LARP4B: variants seen among roughly 807,000 people sequenced by gnomAD.
LARP4B encodes la-related protein 4B.
In LARP4B, 12 loss-of-function variants were observed where a neutral mutation model predicts 89.8. That is an observed-to-expected ratio of 0.13 (90% CI 0.09 to 0.22). The LOEUF is 0.22. LARP4B is among the 10% of genes least tolerant of loss of function. The pLI is 1.00. For synonymous variants in LARP4B, 367 were observed against 363.3 expected (o/e 1.01, Z -0.12); for missense variants, 757 against 947.7 (o/e 0.80, Z 2.64).
intron 3 of LARP4B, among the ~76,000 whole-genome samples, chr10:864,532 A>C (rs944186028): frequency 1.3e-5 from 2 of 152,186 alleles, no homozygotes; most frequent in Non-Finnish European, 2.9e-5. Flanking sequence ...CCTGCCACCA[A>C]AAGATTCAGT....
At chr10:948,204 G>C in the LARP4B span, among the ~76,000 whole-genome samples, 1 of 152,118 alleles carries the variant, frequency 6.6e-6, no homozygotes, top group African/African-American at 2.4e-5. Context: ...ACGCTGCCTG[G>C]TTTTTAAAAT....
chr10:945,156 G>T, the LARP4B span, among the ~76,000 whole-genome samples: 2 of 152,132 alleles, frequency 1.3e-5, no homozygotes, highest in African/African-American at 2.4e-5. Context: ...GGTCAAGGCA[G>T]GTGGATCACT....
At chr10:863,996 C>A (rs112661069) in intron 4 of LARP4B, 113 bp from the exon 5 acceptor site, 18 of 1,540,002 alleles carry the variant, frequency 1.2e-5, no homozygotes, top group African/African-American at 1.1e-4. Flanking sequence ...GACCTCTGGG[C>A]TCTCAAGCAC....
At chr10:825,466 T>G (rs954803522) in intron 12 of LARP4B, 150 bp from the exon 13 acceptor site, 8 of 790,440 alleles carry the variant, frequency 1.0e-5, no homozygotes, top group Non-Finnish European at 1.6e-5. Flanking sequence ...TCCTAACATA[T>G]AGGATAATGC....
intron 1 of LARP4B, among the ~76,000 whole-genome samples, chr10:895,022 C>A (rs1393166244): frequency 6.6e-6 from 1 of 152,088 alleles, no homozygotes; most frequent in Non-Finnish European, 1.5e-5. Flanking sequence ...CCTGTCTCTA[C>A]TAAAATACAA....
At chr10:881,177 T>C (rs1308231632) in intron 3 of LARP4B, among the ~76,000 whole-genome samples, 1 of 152,176 alleles carries the variant, frequency 6.6e-6, no homozygotes, top group Admixed American at 6.5e-5. Flanking sequence ...TGGTCAGATA[T>C]TTTTTCTTCC....
At chr10:955,768 C>T in the LARP4B span, among the ~76,000 whole-genome samples, 248 of 152,198 alleles carry the variant, frequency 1.6e-3, no homozygotes, top group Non-Finnish European at 2.7e-3. This position sits in a 1 kb window ranked among gnomAD's most constrained non-coding sequence, Gnocchi z 5.2. Context: ...GCCCTATTCA[C>T]TGGAATAACT....
At chr10:829,906 A>G (rs569027462) in intron 9 of LARP4B, among the ~76,000 whole-genome samples, 172 bp from the exon 10 acceptor site, 1 of 152,360 alleles carries the variant, frequency 6.6e-6, no homozygotes, top group East Asian at 1.9e-4. Context: ...AAATAACCTC[A>G]TAAGAGCTAT....
intron 1 of LARP4B, among the ~76,000 whole-genome samples, chr10:895,217 T>A (rs1564435324): frequency 6.6e-6 from 1 of 150,986 alleles, no homozygotes. Flanking sequence ...TAAAATAAAA[T>A]AAAATAAAAA....
chr10:975,895 T>C, the LARP4B span, among the ~76,000 whole-genome samples: 25 of 130,092 alleles, frequency 1.9e-4, no homozygotes, highest in African/African-American at 7.4e-4. Context: ...CCTAGTAGAA[T>C]GTAGGCCTGT....
the LARP4B span, among the ~76,000 whole-genome samples, chr10:941,877 G>A: frequency 8.5e-5 from 13 of 152,098 alleles, no homozygotes; most frequent in African/African-American, 2.4e-4. Context: ...CTGGGCTCAA[G>A]CGATCCTCCC....
At chr10:937,364 A>G in the LARP4B span, among the ~76,000 whole-genome samples, 1 of 152,302 alleles carries the variant, frequency 6.6e-6, no homozygotes, top group East Asian at 1.9e-4. Flanking sequence ...AAAAATCACT[A>G]TCTTGTAACC....
At chr10:821,978 C>T (rs536588291) in intron 13 of LARP4B, among the ~76,000 whole-genome samples, 2 of 152,314 alleles carry the variant, frequency 1.3e-5, no homozygotes, top group East Asian at 3.9e-4. Flanking sequence ...CTTGGTGCTC[C>T]TTGTCCTGGA....
the LARP4B span, among the ~76,000 whole-genome samples, chr10:975,037 C>T: frequency 6.6e-6 from 1 of 152,248 alleles, no homozygotes; most frequent in Non-Finnish European, 1.5e-5. Flanking sequence ...TGCCTGGCTC[C>T]TTGTGTGTCC....
At chr10:815,213 T>A in intron 15 of LARP4B, 143 bp from the exon 16 acceptor site, 1 of 934,256 alleles carries the variant, frequency 1.1e-6, no homozygotes, top group Non-Finnish European at 1.5e-6. Flanking sequence ...AGCAAAAATG[T>A]CACAGAGCCC....
At chr10:905,701 GAGGAGCTGAGGAGCAGGGA>G (rs1200938041) in intron 1 of LARP4B, among the ~76,000 whole-genome samples, 45 of 86,104 alleles carry the variant, frequency 5.2e-4, no homozygotes, top group East Asian at 8.1e-4. Context: ...AGGAGCAAGG[GAGGAGCTGAGGAGCAGGGA>G]AGGAGGGCAG....
intron 8 of LARP4B, among the ~76,000 whole-genome samples, chr10:831,712 A>C (rs952894465): frequency 2.6e-5 from 4 of 152,240 alleles, no homozygotes; most frequent in African/African-American, 9.6e-5. Context: ...GGGGAAAATG[A>C]GCCCTAGAGA....
At position 863,900 on chromosome 10, in the gene LARP4B, AC is replaced by A; in HGVS notation, c.290-18del. ...CATCCGATCCTACAATTAGGAGTTT[AC>A]CCCAAAAAGGCAGGGTTAGAAGCAT... is the stretch of plus-strand genomic sequence containing the variant. On this transcript the variant is annotated intron_variant, in intron 4 of 17. Transcript: ENST00000316157. 1 of 1,603,942 alleles carries A rather than the reference AC, an allele frequency of 6.2e-7. No individual in the cohort carries two copies. Among genetic ancestry groups the A allele is most frequent in the Non-Finnish European group, 8.5e-7 (1 of 1,177,142 alleles).
chr10:931,348 G>T, intron 1 of LARP4B, 80 bp downstream of exon 1: 1 of 150,684 alleles, frequency 6.6e-6, no homozygotes, highest in South Asian at 1.8e-4. Context: ...CCGGGAAGAT[G>T]GCGGCGCAGT....
Sources: allele counts gnomAD v4.1 joint callset (sites outside exome capture counted in the v4.1 genomes callset), GRCh38; gene constraint gnomAD v4.1.1; non-coding constraint Gnocchi (gnomAD v3.1); transcripts MANE v1.5; gene names NCBI Gene and HGNC (gene_info 2026-07-23, HGNC 2026-07-21).